SNW1: variants seen among roughly 807,000 people sequenced by gnomAD.
SNW1 encodes the protein SNW domain containing 1, also known as SNW domain-containing protein 1.
Under a neutral mutation model 75.6 loss-of-function variants are expected in SNW1, and 9 were observed. The ratio of observed to expected loss-of-function variants is 0.12; its 90% CI spans 0.07 to 0.21. The LOEUF (loss-of-function observed/expected upper bound fraction) is 0.21. SNW1 is among the 10% of genes least tolerant of loss of function. The probability of loss-of-function intolerance (pLI) is 1.00; values close to 1 mark genes in which losing one functional copy is unlikely to be tolerated. For missense variants in SNW1, 409 were observed against 670.9 expected, an observed-to-expected ratio of 0.61 and a Z score of 4.31; for synonymous variants, 200 against 219.1, an observed-to-expected ratio of 0.91 and a Z score of 0.77.
intron 3 of SNW1, among the ~76,000 whole-genome samples, chr14:77,743,899 C>G (rs1272633974): frequency 1.3e-5 from 2 of 152,142 alleles, no homozygotes; most frequent in Non-Finnish European, 2.9e-5. Flanking sequence ...TTACTCAATG[C>G]ATTCCAAACT....
chr14:77,722,132 A>G (rs1566826134), intron 11 of SNW1, among the ~76,000 whole-genome samples: 1 of 152,202 alleles, frequency 6.6e-6, no homozygotes, highest in Non-Finnish European at 1.5e-5. Context: ...ATTTGGGAAG[A>G]AAATATTCTA....
intron 12 of SNW1, among the ~76,000 whole-genome samples, 183 bp from the exon 13 acceptor site, chr14:77,718,713 CTTT>C (rs372285276): frequency 3.6e-5 from 5 of 138,380 alleles, no homozygotes; most frequent in African/African-American, 7.9e-5. Context: ...ACTTTGGATT[CTTT>C]TTTTTTTTTT....
intron 9 of SNW1, 140 bp downstream of exon 9, chr14:77,732,345 A>C (rs966687843): frequency 1.5e-6 from 1 of 646,030 alleles, no homozygotes; most frequent in Admixed American, 2.5e-5. Context: ...GCCAACTAGC[A>C]GCTGCCATTT....
At chr14:77,726,613 G>C (rs1271157245) in intron 10 of SNW1, among the ~76,000 whole-genome samples, 3 of 152,172 alleles carry the variant, frequency 2.0e-5, no homozygotes, top group Admixed American at 2.0e-4. Context: ...TGAGGTCTGA[G>C]ACCAGCCTGG....
Position 77,718,473 on chromosome 14 carries a change from C to G in SNW1, c.1306G>C (p.Ala436Pro), listed in dbSNP as rs2080508641. ...EDEIYNVYDQ[A>P]WRGGKDMAQS... Reference sequence around the variant, plus strand: ...GCCATATCTTTACCACCTCTCCAGGCTTGATCATAAACATTATAAATTTCA... The same window carrying G: ...GCCATATCTTTACCACCTCTCCAGGGTTGATCATAAACATTATAAATTTCA... The change falls in exon 13 of 14, where the codon GCC (alanine) becomes CCC (proline). Residue 436 changes from alanine (A) to proline (P), a missense_variant. Transcript: ENST00000261531. 6.2e-7 allele frequency: 1 copy of G among 1,613,950 alleles called. No homozygotes were observed. Among genetic ancestry groups the G allele is most frequent in the Non-Finnish European group, 8.5e-7 (1 of 1,179,976 alleles).
In SNW1 at chr14:77,751,355, A is replaced by G. The variant is rs61745425; in HGVS notation, c.294T>C (p.Tyr98=). 0.017 allele frequency: 26,804 copies of G among 1,613,766 alleles called. 281 individuals are homozygous for G. Among genetic ancestry groups the G allele is most frequent in the Middle Eastern group, 0.025 (153 of 6,062 alleles). ...ACTGTCCTTGTCGAGCAATTGCATC[A>G]TATTTAATTTTTCCTTCAGAATCCA... ...IQVDSEGKIK[Y]DAIARQGQSK... The change falls in exon 3 of 14, where the codon TAT becomes TAC. Residue 98 remains tyrosine (Y), a synonymous_variant. Transcript: ENST00000261531.
At position 77,720,467 on chromosome 14, in the gene SNW1, C is replaced by A. The variant is rs1427280514; in HGVS notation, c.1248+244G>T. On this transcript the variant is annotated intron_variant, in intron 12 of 13. Coordinates refer to ENST00000261531, the MANE Select transcript of SNW1 (RefSeq NM_012245.3). ...TTCTATTTTAGAAACAAAAGGTTGACATACCACAACACCAAGTTTTTAATC... is the reference window on the plus strand; with the variant it reads ...TTCTATTTTAGAAACAAAAGGTTGAAATACCACAACACCAAGTTTTTAATC... 7.1e-6 allele frequency: 5 copies of A among 701,400 alleles called. No individual in the cohort carries two copies. In the East Asian group the frequency reaches 1.1e-4, roughly 15 times the overall value. The allele number at this position is 701,400 out of a possible 1,614,324, so 43.4% of individuals were successfully genotyped here.
At chr14:77,749,505 G>T (rs953017104) in intron 3 of SNW1, among the ~76,000 whole-genome samples, 3 of 152,170 alleles carry the variant, frequency 2.0e-5, no homozygotes, top group Non-Finnish European at 4.4e-5. Context: ...GCAGCCTCAT[G>T]CCTGTAATCC....
At chr14:77,755,946 C>T (rs1250215164) in intron 1 of SNW1, among the ~76,000 whole-genome samples, 1 of 151,718 alleles carries the variant, frequency 6.6e-6, no homozygotes, top group African/African-American at 2.4e-5. Context: ...GCCATGTTGG[C>T]CAGGCTGGTC....
chr14:77,720,469 T>A (rs1019861251), intron 12 of SNW1: 1 of 702,144 alleles, frequency 1.4e-6, no homozygotes, highest in Middle Eastern at 2.3e-4. Flanking sequence ...AAGGTTGACA[T>A]ACCACAACAC....
intron 12 of SNW1, 67 bp from the exon 13 acceptor site, chr14:77,718,597 T>C: frequency 2.8e-6 from 3 of 1,068,156 alleles, no homozygotes; most frequent in Non-Finnish European, 4.1e-6. Context: ...AATCATAACA[T>C]GTTTACAGTA....
At chr14:77,743,636 T>G (rs2080736183) in intron 3 of SNW1, among the ~76,000 whole-genome samples, 1 of 152,228 alleles carries the variant, frequency 6.6e-6, no homozygotes, top group South Asian at 2.1e-4. Flanking sequence ...TCCATTTCTA[T>G]TTCTTCTAAA....
intron 3 of SNW1, among the ~76,000 whole-genome samples, chr14:77,740,026 C>T (rs146694294): frequency 0.042 from 6,237 of 149,854 alleles, 193 homozygotes; most frequent in Middle Eastern, 0.068. Context: ...CCCAGCTACT[C>T]GGGAGGCTGA....
At chr14:77,732,275 C>T (rs753569259) in intron 9 of SNW1, among the ~76,000 whole-genome samples, 1 of 152,110 alleles carries the variant, frequency 6.6e-6, no homozygotes, top group Non-Finnish European at 1.5e-5. Context: ...GTGAGGGAGC[C>T]GGATCACCAC....
rs555948843 is a variant in SNW1, at chr14:77,738,987, G to A, written c.405C>T (p.Pro135=). ...TTACCTCTTTAATAGCTTCTTCATC[G>A]GGCCTTTGCAGGTCTGGATCATCTG... ...MNADDPDLQR[P]DEEAIKEITE... Residue 135 remains proline (P), a synonymous_variant, in exon 4 of 14, where the codon CCC becomes CCT. Transcript: ENST00000261531. The A allele has an allele frequency of 1.3e-4, 216 of 1,613,902 alleles. No homozygotes were observed. The South Asian group carries it at 2.1e-3, about 16-fold the overall frequency.
chr14:77,717,719 A>G lies in SNW1; in HGVS notation c.*369T>C, dbSNP rs2080499838. ...ATTTATTTGGCAGGACAGTTCCAGT[A>G]TGTGAACATCTTCCTCCTCACTGTG... On this transcript the variant is annotated 3_prime_UTR_variant, in exon 14 of 14. Coordinates refer to ENST00000261531, the MANE Select transcript of SNW1 (RefSeq NM_012245.3). The G allele has an allele frequency of 3.1e-6, 2 of 653,908 alleles. No homozygotes were observed. Among genetic ancestry groups the G allele is most frequent in the African/African-American group, 1.8e-5 (1 of 54,892 alleles). The allele number at this position is 653,908 out of a possible 1,614,324, so 40.5% of individuals were successfully genotyped here. A position where few individuals can be genotyped will look rare whatever the true frequency, so the allele number is the denominator to read the frequency against.
intron 1 of SNW1, chr14:77,760,533 T>C: frequency 1.6e-6 from 1 of 641,792 alleles, no homozygotes; most frequent in South Asian, 1.7e-5. Context: ...GGTGGTTCTA[T>C]CTACGGAAGA....
chr14:77,742,172 A>G (rs1382149643), intron 3 of SNW1, among the ~76,000 whole-genome samples: 1 of 152,026 alleles, frequency 6.6e-6, no homozygotes, highest in African/African-American at 2.4e-5. Flanking sequence ...AGTTGCTGGG[A>G]TTACAGGCGC....
rs78769003 is a variant in SNW1 at position 77,729,213 on chromosome 14, C to T, written c.1033+1775G>A. Among the ~76,000 whole-genome samples, 292 of 152,308 alleles carry T rather than the reference C, an allele frequency of 1.9e-3. 12 individuals carry two copies. In the East Asian group the frequency reaches 0.048, roughly 25 times the overall value. Reference sequence around the variant, plus strand: ...AATTCTTCATCTTTCCCTCCCAAACCTGTTCCTCCTGCAGTCTTCCCAATA... The same window carrying T: ...AATTCTTCATCTTTCCCTCCCAAACTTGTTCCTCCTGCAGTCTTCCCAATA... On this transcript the variant is annotated intron_variant, in intron 10 of 13. Coordinates refer to ENST00000261531, the MANE Select transcript of SNW1 (RefSeq NM_012245.3).
Sources: gnomAD v4.1 joint callset for allele counts (sites outside exome capture counted in the v4.1 genomes callset) on GRCh38, gnomAD v4.1.1 for gene constraint, MANE v1.5 for transcripts, NCBI Gene and HGNC (gene_info 2026-07-23, HGNC 2026-07-21) for gene names.